The following FGF14 variants were observed in gnomAD, a reference collection of about 807,000 sequenced individuals.
FGF14 encodes the protein fibroblast growth factor 14, also known as fibroblast growth factor homologous factor 4.
In FGF14, 5 loss-of-function variants were observed where a neutral mutation model predicts 25.5. That is an observed-to-expected ratio of 0.20 (90% CI 0.10 to 0.41). The LOEUF (loss-of-function observed/expected upper bound fraction) is 0.41. FGF14 is among the 10% of genes least tolerant of loss of function. The probability of loss-of-function intolerance (pLI) is 1.00; values close to 1 mark genes in which losing one functional copy is unlikely to be tolerated. For missense variants in FGF14, 222 were observed against 320.1 expected, an observed-to-expected ratio of 0.69 and a Z score of 2.34; for synonymous variants, 138 against 118.3, an observed-to-expected ratio of 1.17 and a Z score of -1.08.
intron 3 of FGF14, among the ~76,000 whole-genome samples, chr13:101,783,659 C>T (rs1380913609): frequency 6.6e-6 from 1 of 152,110 alleles, no homozygotes; most frequent in African/African-American, 2.4e-5. Flanking sequence ...TTTTGCTGTG[C>T]AGAAGCTCTT....
chr13:102,013,434 G>A (rs1324186928), intron 1 of FGF14, among the ~76,000 whole-genome samples: 1 of 152,096 alleles, frequency 6.6e-6, no homozygotes, highest in Admixed American at 6.5e-5. Context: ...TATCTTCTTG[G>A]AAGAAAACAC....
chr13:101,769,554 A>T (rs1351598666), intron 3 of FGF14, among the ~76,000 whole-genome samples: 3 of 152,188 alleles, frequency 2.0e-5, no homozygotes, highest in African/African-American at 7.2e-5. Context: ...GAAAGCAACC[A>T]AGATGGCCTT....
chr13:102,133,890 C>T (rs1019838679), intron 1 of FGF14, among the ~76,000 whole-genome samples: 1 of 152,110 alleles, frequency 6.6e-6, no homozygotes, highest in African/African-American at 2.4e-5. Flanking sequence ...TTGTTTCTTC[C>T]CTGCTGTTTC....
intron 3 of FGF14, among the ~76,000 whole-genome samples, chr13:101,734,664 A>T: frequency 6.6e-6 from 1 of 152,138 alleles, no homozygotes; most frequent in East Asian, 1.9e-4. Flanking sequence ...ACTATAATTA[A>T]CACCTTATGC....
At chr13:102,166,474 G>A (rs1055458051) in intron 1 of FGF14, among the ~76,000 whole-genome samples, 1 of 152,058 alleles carries the variant, frequency 6.6e-6, no homozygotes, top group African/African-American at 2.4e-5. Flanking sequence ...GTCCAACATG[G>A]CAACGCTCTG....
At chr13:101,789,922 C>T (rs959278755) in intron 3 of FGF14, among the ~76,000 whole-genome samples, 1 of 151,134 alleles carries the variant, frequency 6.6e-6, no homozygotes, top group Admixed American at 6.6e-5. Context: ...AATAATAATG[C>T]CCTTACATTA....
chr13:101,722,973 G>A lies in FGF14; in HGVS notation c.608-6C>T. The A allele has an allele frequency of 1.2e-6, 2 of 1,613,190 alleles. No homozygotes were observed. Among genetic ancestry groups the A allele is most frequent in the Non-Finnish European group, 1.7e-6 (2 of 1,179,402 alleles). On this transcript the variant is annotated splice_region_variant and splice_polypyrimidine_tract_variant and intron_variant, in intron 4 of 4. Coordinates refer to ENST00000376143, the MANE Select transcript of FGF14 (RefSeq NM_004115.4). ...TGGTTCTCGGTACATGGCAACTAGT[G>A]ATGGGAAGAAAGGAGGAGGAAAAGC...
intron 1 of FGF14, among the ~76,000 whole-genome samples, chr13:102,186,376 C>T (rs528144446): frequency 1.3e-5 from 2 of 152,210 alleles, no homozygotes; most frequent in African/African-American, 4.8e-5. Flanking sequence ...CCAATGTTGA[C>T]AACTTATTTT....
intron 1 of FGF14, among the ~76,000 whole-genome samples, chr13:102,193,700 CTA>C (rs2049219967): frequency 6.6e-6 from 1 of 152,166 alleles, no homozygotes; most frequent in Admixed American, 6.5e-5. Context: ...ACATGAGAAA[CTA>C]TAGAGTTCTT....
At chr13:102,278,068 C>T (rs963789080) in intron 1 of FGF14, among the ~76,000 whole-genome samples, 1 of 152,144 alleles carries the variant, frequency 6.6e-6, no homozygotes, top group African/African-American at 2.4e-5. Flanking sequence ...GGTGGGAGCC[C>T]ACCTACTATT....
intron 3 of FGF14, among the ~76,000 whole-genome samples, chr13:101,786,852 G>T (rs751049569): frequency 2.6e-5 from 4 of 152,046 alleles, no homozygotes; most frequent in Non-Finnish European, 4.4e-5. Context: ...CATTTATATA[G>T]GCTGGTGGAA....
intron 1 of FGF14, among the ~76,000 whole-genome samples, chr13:101,907,113 A>T (rs935863232): frequency 6.6e-6 from 1 of 152,120 alleles, no homozygotes; most frequent in African/African-American, 2.4e-5. Flanking sequence ...ATTATATTTA[A>T]ATACAAAGAC....
Position 101,711,762 on chromosome 13 carries a change from G to C in FGF14, c.*11069C>G, listed in dbSNP as rs555396225. On this transcript the variant is annotated 3_prime_UTR_variant, in exon 5 of 5. Coordinates refer to ENST00000376143, the MANE Select transcript of FGF14 (RefSeq NM_004115.4). ...ATGAGAAAATGTGGCTGATTCCCCA[G>C]GGATGGAAGCCAGCAAAAATGCACA... 2 of 152,190 alleles carry C rather than the reference G, an allele frequency of 1.3e-5. No homozygotes were observed. Among genetic ancestry groups the C allele is most frequent in the African/African-American group, 2.4e-5 (1 of 41,424 alleles). 9.4% of individuals were successfully genotyped at this position (152,190 alleles called of 1,614,324 possible). A position where few individuals can be genotyped will look rare whatever the true frequency, so the allele number is the denominator to read the frequency against.
intron 3 of FGF14, among the ~76,000 whole-genome samples, chr13:101,765,964 G>A (rs200021464): frequency 3.3e-5 from 5 of 151,990 alleles, no homozygotes; most frequent in Non-Finnish European, 7.4e-5. Context: ...CCTGACCTCA[G>A]GTGATCTGCC....
chr13:102,336,223 A>G (rs2056783691), intron 1 of FGF14, among the ~76,000 whole-genome samples: 1 of 152,186 alleles, frequency 6.6e-6, no homozygotes, highest in Admixed American at 6.5e-5. Flanking sequence ...ATGTGAAGGA[A>G]AAGTTCTTAA....
At chr13:101,871,657 G>GA (rs964678891) in intron 2 of FGF14, among the ~76,000 whole-genome samples, 2 of 151,918 alleles carry the variant, frequency 1.3e-5, no homozygotes, top group Admixed American at 6.6e-5. Context: ...TAAGAGCACA[G>GA]AAAAAATCCA....
chr13:102,184,408 C>T (rs558706737), intron 1 of FGF14, among the ~76,000 whole-genome samples: 2 of 152,200 alleles, frequency 1.3e-5, no homozygotes, highest in Non-Finnish European at 2.9e-5. Flanking sequence ...CAGGGATGGG[C>T]TCGTGGTCCA....
intron 3 of FGF14, among the ~76,000 whole-genome samples, chr13:101,844,633 A>G (rs752994206): frequency 6.6e-6 from 1 of 151,994 alleles, no homozygotes; most frequent in Non-Finnish European, 1.5e-5. Flanking sequence ...TGGGCAGTGC[A>G]CTTTTCCCAT....
At chr13:102,262,178 A>C (rs1304275471) in intron 1 of FGF14, among the ~76,000 whole-genome samples, 1 of 152,178 alleles carries the variant, frequency 6.6e-6, no homozygotes, top group Non-Finnish European at 1.5e-5. Flanking sequence ...ACTCTAATAG[A>C]TGTTAAAAAT....
Sources: gnomAD v4.1 joint callset for allele counts (sites outside exome capture counted in the v4.1 genomes callset) on GRCh38, gnomAD v4.1.1 for gene constraint, MANE v1.5 for transcripts, NCBI Gene and HGNC (gene_info 2026-07-23, HGNC 2026-07-21) for gene names.